ACLY: variants seen among roughly 807,000 people sequenced by gnomAD.
The protein encoded by ACLY is ATP citrate lyase.
ACLY carries 41 observed loss-of-function variants against 133.0 expected under a neutral mutation model. That is an observed-to-expected ratio of 0.31 (90% confidence interval 0.24 to 0.40). The LOEUF (loss-of-function observed/expected upper bound fraction) is 0.40, where lower values mean the gene tolerates loss of function less well. Among genes scored for constraint, ACLY ranks in the 10% least tolerant of loss-of-function variants. The pLI, the probability that ACLY is intolerant of heterozygous loss-of-function variation, is 1.00. For synonymous variants in ACLY, 495 were observed against 549.3 expected (o/e 0.90, Z 1.38); for missense variants, 1,046 against 1,453.8 (o/e 0.72, Z 4.56).
chr17:41,879,993 C>A (rs1251069072), intron 20 of ACLY, among the ~76,000 whole-genome samples: 1 of 152,098 alleles, frequency 6.6e-6, no homozygotes, highest in Non-Finnish European at 1.5e-5. Context: ...GCCTCCCAAG[C>A]TGCTGGGATT....
chr17:41,881,607 C>A (rs2048919666), intron 20 of ACLY, among the ~76,000 whole-genome samples: 1 of 152,070 alleles, frequency 6.6e-6, no homozygotes, highest in African/African-American at 2.4e-5. Context: ...GAAACAGTTA[C>A]CAAGAGGCTA....
At chr17:41,873,175 CTTTTT>C (rs529319940) in intron 23 of ACLY, among the ~76,000 whole-genome samples, 2 of 134,366 alleles carry the variant, frequency 1.5e-5, no homozygotes, top group South Asian at 4.8e-4. Context: ...ACACAAGGTA[CTTTTT>C]TTTTTTTTTT....
At chr17:41,889,449 GT>G (rs2049141907) in intron 16 of ACLY, among the ~76,000 whole-genome samples, 1 of 141,534 alleles carries the variant, frequency 7.1e-6, no homozygotes, top group African/African-American at 2.6e-5. Flanking sequence ...AACCCGGGAG[GT>G]GGAGGTTGCA....
chr17:41,901,958 G>A (rs60769720), intron 10 of ACLY, 145 bp from the exon 11 acceptor site: 94,519 of 622,680 alleles, frequency 0.15, 7,948 homozygotes, highest in African/African-American at 0.16. Context: ...CCACGGCCTG[G>A]GATATGATCA....
chr17:41,919,521 G>A (rs566791064), upstream of ACLY, among the ~76,000 whole-genome samples: 5 of 152,356 alleles, frequency 3.3e-5, no homozygotes, highest in African/African-American at 7.2e-5. Flanking sequence ...CTGGGCCGAT[G>A]AGGCAAGGCT....
rs993301912 is a variant in ACLY at position 41,913,832 on chromosome 17, G to A, written c.42C>T (p.Leu14=). The stretch of plus-strand genomic sequence containing the variant: ...AGGTGGTACAGATGAACTTGTAAAG[G>A]AGTTCTTTGCCCGTCTGCTCTGAAA... ...KAISEQTGKE[L]LYKFICTTSA... is the part of the protein sequence containing the mutation. The change falls in exon 2 of 29, where the codon CTC becomes CTT. Residue 14 remains leucine (L), a synonymous_variant. Coordinates refer to ENST00000352035, the MANE Select transcript of ACLY (RefSeq NM_001096.3). 6.2e-7 allele frequency: 1 copy of A among 1,614,244 alleles called. No homozygotes were observed. The highest frequency in any genetic ancestry group is 8.5e-7 in the Non-Finnish European group (1 of 1,180,040).
chr17:41,899,424 GTC>G (rs2049463514), intron 11 of ACLY, among the ~76,000 whole-genome samples: 1 of 152,076 alleles, frequency 6.6e-6, no homozygotes. Flanking sequence ...CCAGTGCTTG[GTC>G]TCTGTTCCTA....
chr17:41,892,214 C>T, intron 16 of ACLY, 65 bp downstream of exon 16: 1 of 1,329,034 alleles, frequency 7.5e-7, no homozygotes, highest in African/African-American at 1.5e-5. Flanking sequence ...CCCCTAGAGC[C>T]CAGTGATCTA....
Position 41,878,800 on chromosome 17 carries a change from A to G in ACLY, c.2390T>C (p.Ile797Thr). ...ATCCTCCCCAAGGTCCACTTACTGG[A>G]TGATCTCTCCAAGCTCATCAAAGCT... ...PRSFDELGEI[I>T]QSVYEDLVAN... Residue 797 changes from isoleucine (I) to threonine (T), a missense_variant, in exon 21 of 29, where the codon ATC (isoleucine) becomes ACC (threonine). Physicochemically the swap from Ile to Thr is moderately conservative, Grantham distance 89. Around this residue, in one of 4 missense-constraint regions of ACLY, gnomAD observed 39 missense variants for 30.8 expected, o/e 1.27. Coordinates refer to ENST00000352035, the MANE Select transcript of ACLY (RefSeq NM_001096.3). 6.2e-7 allele frequency: 1 copy of G among 1,613,816 alleles called. No individual in the cohort carries two copies. Among genetic ancestry groups the G allele is most frequent in the South Asian group, 1.1e-5 (1 of 91,060 alleles).
In ACLY at chr17:41,884,241, T is replaced by C; in HGVS notation, c.2106A>G (p.Leu702=). Residue 702 remains leucine, a synonymous_variant, in exon 19 of 29, where the codon TTA becomes TTG. Transcript: ENST00000352035. The part of the protein sequence containing the change: ...YPGSTFMDHV[L]RYQDTPGVKM... ...TGACTCCTGGAGTGTCCTGATAGCG[T>C]AACACATGATCCATGAATGTGGAGC... is the stretch of plus-strand genomic sequence containing the variant. 6.2e-7 allele frequency: 1 copy of C among 1,612,930 alleles called. No homozygotes were observed. The highest frequency in any genetic ancestry group is 1.7e-5 in the Admixed American group (1 of 60,014).
chr17:41,899,888 A>T (rs1555631197), intron 11 of ACLY, among the ~76,000 whole-genome samples: 1 of 151,782 alleles, frequency 6.6e-6, no homozygotes, highest in African/African-American at 2.4e-5. Context: ...CAAAAAAATT[A>T]GCCAGGTGTG....
At chr17:41,909,838 T>C in intron 4 of ACLY, 138 bp from the exon 5 acceptor site, 1 of 760,718 alleles carries the variant, frequency 1.3e-6, no homozygotes. Context: ...TAAAACCCAG[T>C]GAAAACCATT....
chr17:41,873,816 C>T lies in ACLY; in HGVS notation c.2637G>A (p.Gln879=). 1 of 1,564,512 alleles carries T rather than the reference C, an allele frequency of 6.4e-7. No homozygotes were observed. Residue 879 remains glutamine (Q), a synonymous_variant, in exon 23 of 29, where the codon CAG becomes CAA. Coordinates refer to ENST00000352035, the MANE Select transcript of ACLY (RefSeq NM_001096.3). ...IGGVLGLLWF[Q]KRLPKYSCQF... is the part of the protein sequence containing the mutation. ...CTTCTGCCCTCCATGCTCACCTTTTCTGGAACCAGAGGAGGCCGAGGACCC... is the reference window on the plus strand; with the variant it reads ...CTTCTGCCCTCCATGCTCACCTTTTTTGGAACCAGAGGAGGCCGAGGACCC...
Position 41,906,534 on chromosome 17 carries a change from A to G in ACLY, c.860T>C (p.Val287Ala), listed in dbSNP as rs1162769753. 1.9e-6 allele frequency: 3 copies of G among 1,614,032 alleles called. No homozygotes were observed. The Admixed American group carries it at 5.0e-5, about 27-fold the overall frequency. The change falls in exon 8 of 29, where the codon GTG becomes GCG. Residue 287 changes from valine (V) to alanine (A), a missense_variant. Val to Ala is a moderately conservative substitution (Grantham distance 64, BLOSUM62 0). This residue lies in a region of ACLY where 575 missense variants were observed against 804.2 expected (regional missense o/e 0.71). Coordinates refer to ENST00000352035, the MANE Select transcript of ACLY (RefSeq NM_001096.3). ...AGCAACCCCCTTCGGTCACCTGTAC[A>G]CGACAGAGGCGCCACCCCCGGCCAC... ...TMVAGGGASV[V>A]YSDTICDLGG...
At chr17:41,907,810 TC>T (rs1204380347) in intron 6 of ACLY, among the ~76,000 whole-genome samples, 1 of 151,872 alleles carries the variant, frequency 6.6e-6, no homozygotes, top group African/African-American at 2.4e-5. Context: ...GACATGGAGG[TC>T]TGTATTAGTT....
chr17:41,907,604 C>A, intron 6 of ACLY, 32 bp from the exon 7 acceptor site: 1 of 1,608,788 alleles, frequency 6.2e-7, no homozygotes, highest in South Asian at 1.1e-5. Context: ...TCATCAGACA[C>A]CGGCTCTGGG....
intron 15 of ACLY, 28 bp downstream of exon 15, chr17:41,893,005 A>G (rs782349987): frequency 1.2e-6 from 2 of 1,605,562 alleles, no homozygotes; most frequent in South Asian, 2.2e-5. Context: ...CAGAGGAAGG[A>G]GATATTTCCC....
At chr17:41,877,443 C>CT (rs35203873) in intron 22 of ACLY, among the ~76,000 whole-genome samples, 19,265 of 135,262 alleles carry the variant, frequency 0.14, 1,522 homozygotes, top group Non-Finnish European at 0.17. Context: ...AGGCCCAGCC[C>CT]TTTTTTTTTT....
intron 1 of ACLY, among the ~76,000 whole-genome samples, chr17:41,926,029 G>A (rs1462884003): frequency 1.3e-5 from 2 of 151,992 alleles, no homozygotes; most frequent in African/African-American, 4.8e-5. Context: ...ATTTTTGGTA[G>A]AGATGGGGCT....
Sources: gnomAD v4.1 joint callset for allele counts (sites outside exome capture counted in the v4.1 genomes callset) on GRCh38, gnomAD v4.1.1 for gene constraint, gnomAD v4.1.1 regional missense constraint, MANE v1.5 for transcripts, NCBI Gene and HGNC (gene_info 2026-07-23, HGNC 2026-07-21) for gene names.